Variants in RIMS2 observed in about 807,000 individuals in gnomAD.
RIMS2 encodes regulating synaptic membrane exocytosis 2, also known as regulating synaptic membrane exocytosis protein 2.
Under a neutral mutation model 174.4 loss-of-function variants are expected in RIMS2, and 59 were observed. That is an observed-to-expected ratio of 0.34 (90% CI 0.27 to 0.42). The LOEUF (loss-of-function observed/expected upper bound fraction) is 0.42. Ranked by LOEUF, RIMS2 falls within the 10% of genes least tolerant of loss-of-function variation. The pLI, the probability that RIMS2 is intolerant of heterozygous loss-of-function variation, is 1.00. For synonymous variants in RIMS2, 606 were observed against 572.5 expected (o/e 1.06, Z -0.84); for missense variants, 1,620 against 1,666.3 (o/e 0.97, Z 0.48).
intron 3 of RIMS2, among the ~76,000 whole-genome samples, chr8:103,865,095 A>G (rs973425360): frequency 1.3e-5 from 2 of 151,970 alleles, no homozygotes; most frequent in Non-Finnish European, 2.9e-5. Context: ...TTGAATAAAC[A>G]TATGGGACTT....
At chr8:103,614,295 C>T (rs1019520469) in intron 1 of RIMS2, among the ~76,000 whole-genome samples, 1 of 152,390 alleles carries the variant, frequency 6.6e-6, no homozygotes, top group East Asian at 1.9e-4. Context: ...CCCAGCACAG[C>T]TTTGCTCTCC....
chr8:103,723,422 G>A (rs2097481569), intron 2 of RIMS2, among the ~76,000 whole-genome samples: 1 of 152,328 alleles, frequency 6.6e-6, no homozygotes, highest in South Asian at 2.1e-4. Flanking sequence ...CAGGATCCAT[G>A]GGCAGGCTTG....
chr8:103,932,273 ATTT>A (rs1449497922), intron 12 of RIMS2, among the ~76,000 whole-genome samples: 1 of 152,170 alleles, frequency 6.6e-6, no homozygotes, highest in Non-Finnish European at 1.5e-5. Context: ...TGATTTAGTT[ATTT>A]AGTTCAAGTA....
At chr8:103,882,640 A>G (rs879775063) in intron 3 of RIMS2, among the ~76,000 whole-genome samples, 3 of 151,576 alleles carry the variant, frequency 2.0e-5, no homozygotes, top group Non-Finnish European at 4.4e-5. Flanking sequence ...TATGATTCAC[A>G]TATTTCTGGC....
intron 19 of RIMS2, among the ~76,000 whole-genome samples, chr8:104,208,587 A>C (rs1403962503): frequency 6.6e-6 from 1 of 151,974 alleles, no homozygotes; most frequent in Non-Finnish European, 1.5e-5. Flanking sequence ...GAAAAAAAAA[A>C]ATGAAGAATA....
intron 17 of RIMS2, chr8:103,998,211 G>A (rs1481462218): frequency 1.9e-6 from 3 of 1,609,566 alleles, no homozygotes; most frequent in Non-Finnish European, 1.7e-6. Flanking sequence ...CCTCGCTCCA[G>A]ATACAGTCAG....
chr8:103,652,661 A>G (rs1439873291), intron 1 of RIMS2: 2 of 1,350,952 alleles, frequency 1.5e-6, no homozygotes, highest in South Asian at 1.1e-5. Context: ...ACTGGTAAAT[A>G]ACGTTCTTCA....
intron 19 of RIMS2, among the ~76,000 whole-genome samples, chr8:104,076,111 A>G (rs767602332): frequency 6.6e-6 from 1 of 152,228 alleles, no homozygotes; most frequent in Non-Finnish European, 1.5e-5. Context: ...AAGCTAGCAA[A>G]TAAGAGCAGC....
intron 2 of RIMS2, among the ~76,000 whole-genome samples, chr8:103,749,540 A>T (rs2097860679): frequency 6.6e-6 from 1 of 152,074 alleles, no homozygotes; most frequent in Non-Finnish European, 1.5e-5. Context: ...AGGTGTTTTG[A>T]TAGAGGCATG....
chr8:103,931,796 C>A (rs1481425031), intron 12 of RIMS2, among the ~76,000 whole-genome samples: 2 of 151,988 alleles, frequency 1.3e-5, no homozygotes, highest in Admixed American at 1.3e-4. Context: ...CATTTTAATA[C>A]AATTTCTACT....
chr8:104,164,889 A>G (rs1429030738), intron 19 of RIMS2, among the ~76,000 whole-genome samples: 1 of 152,146 alleles, frequency 6.6e-6, no homozygotes, highest in African/African-American at 2.4e-5. Context: ...TAATCTGTAC[A>G]ACCAACCCCC....
intron 19 of RIMS2, among the ~76,000 whole-genome samples, chr8:104,106,037 C>CAACAAAAA (rs2098049404): frequency 1.8e-5 from 1 of 56,914 alleles, no homozygotes; most frequent in Non-Finnish European, 3.4e-5. Context: ...GACTCTGCCA[C>CAACAAAAA]AAAAAAAAAA....
chr8:103,552,140 G>C (rs1848245528), intron 1 of RIMS2, among the ~76,000 whole-genome samples: 1 of 151,760 alleles, frequency 6.6e-6, no homozygotes, highest in Non-Finnish European at 1.5e-5. Context: ...TTCCATATTG[G>C]CAAGAATATC....
At chr8:103,549,224 G>A (rs1358852546) in intron 1 of RIMS2, among the ~76,000 whole-genome samples, 4 of 152,076 alleles carry the variant, frequency 2.6e-5, no homozygotes, top group Non-Finnish European at 5.9e-5. Flanking sequence ...CAGAGAGAAT[G>A]GTCGGGTTAC....
intron 19 of RIMS2, among the ~76,000 whole-genome samples, chr8:104,221,816 G>A (rs572419365): frequency 9.2e-5 from 14 of 152,142 alleles, no homozygotes; most frequent in Non-Finnish European, 1.9e-4. Flanking sequence ...TCTAAATTGT[G>A]ATGTGCAATG....
At chr8:104,006,890 GA>G (rs2095604537) in intron 17 of RIMS2, among the ~76,000 whole-genome samples, 1 of 151,836 alleles carries the variant, frequency 6.6e-6, no homozygotes, top group Non-Finnish European at 1.5e-5. Context: ...TTCTGAGGCT[GA>G]AAATTTTAAA....
At chr8:103,752,239 A>T (rs199729212) in intron 2 of RIMS2, among the ~76,000 whole-genome samples, 20 of 151,974 alleles carry the variant, frequency 1.3e-4, no homozygotes, top group South Asian at 4.1e-4. Flanking sequence ...TTTCTCAGGT[A>T]TGTCAAAGAT....
chr8:103,579,151 C>G (rs897879485), intron 1 of RIMS2, among the ~76,000 whole-genome samples: 1 of 151,794 alleles, frequency 6.6e-6, no homozygotes, highest in Admixed American at 6.6e-5. Context: ...GCCTGTAATC[C>G]CAGCTACTTG....
At chr8:103,725,399 C>T (rs11783737) in intron 2 of RIMS2, among the ~76,000 whole-genome samples, 17,695 of 152,064 alleles carry the variant, frequency 0.12, 1,370 homozygotes, top group Non-Finnish European at 0.17. Context: ...TTTTTATCCC[C>T]GTCTCCCAAA....
Sources: gnomAD v4.1 joint callset for allele counts (sites outside exome capture counted in the v4.1 genomes callset) on GRCh38, gnomAD v4.1.1 for gene constraint, MANE v1.5 for transcripts, NCBI Gene and HGNC (gene_info 2026-07-23, HGNC 2026-07-21) for gene names.